Variants in WDR27 observed in about 807,000 individuals in gnomAD.
WDR27 encodes the protein WD repeat-containing protein 27.
In WDR27, 100 loss-of-function variants were observed where a neutral mutation model predicts 114.4. The observed-to-expected ratio is 0.87, with a 90% CI of 0.74 to 1.03. The LOEUF (loss-of-function observed/expected upper bound fraction) is 1.03, where lower values mean the gene tolerates loss of function less well. Among genes scored for constraint, WDR27 ranks in the 50% least tolerant of loss-of-function variants. The pLI is 0.00. For synonymous variants in WDR27, 449 were observed against 423.1 expected (o/e 1.06, Z -0.75); for missense variants, 1,129 against 1,092.9 (o/e 1.03, Z -0.47).
chr6:169,448,392 ATGTGTGTGTG>A, the WDR27 span, among the ~76,000 whole-genome samples: 6 of 131,968 alleles, frequency 4.5e-5, no homozygotes, highest in East Asian at 2.1e-4. Flanking sequence ...CTCTGTCTCT[ATGTGTGTGTG>A]TGTGTGTGTG....
chr6:169,597,386 A>C (rs1807019675), intron 23 of WDR27, among the ~76,000 whole-genome samples: 1 of 151,926 alleles, frequency 6.6e-6, no homozygotes, highest in African/African-American at 2.4e-5. Context: ...TTTTTGACTG[A>C]AAGCTAAATG....
intron 22 of WDR27, among the ~76,000 whole-genome samples, chr6:169,607,382 TTG>T (rs139609288): frequency 0.045 from 6,505 of 145,502 alleles, 406 homozygotes; most frequent in African/African-American, 0.14. Flanking sequence ...TGTAGTATAC[TTG>T]TGTGTGTATA....
At chr6:169,510,067 G>C (rs1397288319) in intron 25 of WDR27, among the ~76,000 whole-genome samples, 1 of 152,054 alleles carries the variant, frequency 6.6e-6, no homozygotes, top group African/African-American at 2.4e-5. Flanking sequence ...AATGCAAATC[G>C]AAACCACAAT....
chr6:169,624,543 G>C (rs1339111971), intron 21 of WDR27, among the ~76,000 whole-genome samples: 1 of 152,202 alleles, frequency 6.6e-6, no homozygotes, highest in African/African-American at 2.4e-5. Context: ...CCTCAGCCCA[G>C]CCAGGGACAT....
chr6:169,529,842 GA>G lies in WDR27; in HGVS notation c.2645+42576del, dbSNP rs200499281. Among the ~76,000 whole-genome samples the G allele has an allele frequency of 4.4e-3, 656 of 148,416 alleles. 5 individuals carry two copies. Among genetic ancestry groups the G allele is most frequent in the African/African-American group, 0.015 (597 of 40,578 alleles). On this transcript the variant is annotated intron_variant, in intron 25 of 25. Transcript: ENST00000448612. ...ACTTTAAGGCTATTTATCCTTGAAT[GA>G]AAAAAAAAATAGTTGCCATGTTTTT...
chr6:169,554,578 G>A (rs780155290), intron 25 of WDR27, among the ~76,000 whole-genome samples: 2 of 152,132 alleles, frequency 1.3e-5, no homozygotes, highest in African/African-American at 2.4e-5. Flanking sequence ...AAGCATTTCT[G>A]CATTCCAGAT....
chr6:169,538,477 C>T (rs973069932), intron 25 of WDR27, among the ~76,000 whole-genome samples: 9 of 152,152 alleles, frequency 5.9e-5, no homozygotes, highest in Non-Finnish European at 1.2e-4. Context: ...CTCTTAAGAA[C>T]GGATATCCCA....
At chr6:169,452,984 C>T (rs1484060564), downstream of WDR27, among the ~76,000 whole-genome samples, 1 of 152,210 alleles carries the variant, frequency 6.6e-6, no homozygotes, top group Non-Finnish European at 1.5e-5. Flanking sequence ...GCCTCCCTCC[C>T]CAGCCTCCCT....
intron 25 of WDR27, among the ~76,000 whole-genome samples, chr6:169,485,273 G>A (rs1000455452): frequency 3.9e-5 from 6 of 152,130 alleles, no homozygotes; most frequent in Non-Finnish European, 8.8e-5. Context: ...TGCATCTGAC[G>A]AAGGTCTAAT....
intron 25 of WDR27, among the ~76,000 whole-genome samples, chr6:169,461,580 T>C (rs187035830): frequency 1.8e-3 from 268 of 146,608 alleles, no homozygotes; most frequent in African/African-American, 6.3e-3. Context: ...TAACACACCA[T>C]GCAAAAAATC....
At position 169,569,652 on chromosome 6, in the gene WDR27, T is replaced by C. The variant is rs79959385; in HGVS notation, c.2645+2767A>G. Reference sequence around the variant, plus strand: ...TTTTTCTCAACTAAGAAGTCACAAGTCCAAGGTCAATACAGATGTCAAATT... The same window carrying C: ...TTTTTCTCAACTAAGAAGTCACAAGCCCAAGGTCAATACAGATGTCAAATT... On this transcript the variant is annotated intron_variant, in intron 25 of 25. Transcript: ENST00000448612. Among the ~76,000 whole-genome samples the C allele has an allele frequency of 1.4e-3, 207 of 152,294 alleles. 4 individuals carry two copies. The East Asian group carries it at 0.033, about 24-fold the overall frequency.
intron 1 of WDR27, among the ~76,000 whole-genome samples, chr6:169,695,743 T>C (rs1310110415): frequency 2.0e-5 from 3 of 152,180 alleles, no homozygotes; most frequent in African/African-American, 2.4e-5. Flanking sequence ...GCCAAGGGAA[T>C]TGAGGTTACT....
At chr6:169,499,551 T>C (rs948429435) in intron 25 of WDR27, among the ~76,000 whole-genome samples, 9 of 152,332 alleles carry the variant, frequency 5.9e-5, no homozygotes, top group South Asian at 4.1e-4. Flanking sequence ...CACTATCACC[T>C]GCACCATCAA....
At chr6:169,434,547 C>A in the WDR27 span, among the ~76,000 whole-genome samples, 8 of 152,050 alleles carry the variant, frequency 5.3e-5, no homozygotes, top group African/African-American at 9.7e-5. Flanking sequence ...GTCTTGGTTC[C>A]ATATGAAATT....
At chr6:169,597,741 A>G (rs1364160784) in intron 23 of WDR27, among the ~76,000 whole-genome samples, 1 of 152,172 alleles carries the variant, frequency 6.6e-6, no homozygotes, top group Non-Finnish European at 1.5e-5. Flanking sequence ...ATATGTTGAC[A>G]GGAATACTGG....
At chr6:169,449,607 C>T in the WDR27 span, among the ~76,000 whole-genome samples, 1 of 152,244 alleles carries the variant, frequency 6.6e-6, no homozygotes, top group Non-Finnish European at 1.5e-5. Flanking sequence ...GCCCCAGCCC[C>T]ACCATCTCTT....
chr6:169,495,666 T>A (rs766505125), intron 25 of WDR27, among the ~76,000 whole-genome samples: 7 of 152,044 alleles, frequency 4.6e-5, no homozygotes, highest in African/African-American at 1.4e-4. Flanking sequence ...ACCAAACAAT[T>A]TGATAACCTA....
At chr6:169,463,707 C>A (rs2115285508) in intron 25 of WDR27, among the ~76,000 whole-genome samples, 1 of 152,204 alleles carries the variant, frequency 6.6e-6, no homozygotes, top group East Asian at 1.9e-4. Context: ...GATATAAAGT[C>A]AACATGCAAA....
intron 25 of WDR27, among the ~76,000 whole-genome samples, chr6:169,478,063 C>G (rs1452964568): frequency 1.3e-5 from 2 of 151,864 alleles, no homozygotes; most frequent in African/African-American, 4.8e-5. Flanking sequence ...ACATGACTTC[C>G]TGAAAAAACA....
Sources: gnomAD v4.1 joint callset for allele counts (sites outside exome capture counted in the v4.1 genomes callset) on GRCh38, gnomAD v4.1.1 for gene constraint, MANE v1.5 for transcripts, NCBI Gene and HGNC (gene_info 2026-07-23, HGNC 2026-07-21) for gene names.